Variants in ACE observed in about 807,000 individuals in gnomAD.
ACE encodes the protein angiotensin I converting enzyme.
ACE carries 122 observed loss-of-function variants against 162.3 expected under a neutral mutation model. The ratio of observed to expected loss-of-function variants is 0.75; its 90% CI spans 0.65 to 0.87. The LOEUF (loss-of-function observed/expected upper bound fraction) is 0.87, where lower values mean the gene tolerates loss of function less well. ACE is among the 40% of genes least tolerant of loss of function. ACE has a pLI of 0.00. For missense variants in ACE, 1,799 were observed against 1,735.1 expected, an observed-to-expected ratio of 1.04 and a Z score of -0.65; for synonymous variants, 796 against 720.6, an observed-to-expected ratio of 1.10 and a Z score of -1.68.
At chr17:63,478,681 A>C in intron 2 of ACE, 1 of 417,578 alleles carries the variant, frequency 2.4e-6, no homozygotes, top group East Asian at 5.3e-5. Flanking sequence ...GAGAGAGAGA[A>C]AAGGTTGAGA....
chr17:63,481,618 T>A lies in ACE; in HGVS notation c.998T>A (p.Leu333Gln), dbSNP rs761390621. Residue 333 changes from leucine (L) to glutamine (Q), a missense_variant, in exon 7 of 25, where the codon CTG becomes CAG. By Grantham distance (113) the Leu-to-Gln change is moderately radical (BLOSUM62 -2). Coordinates refer to ENST00000290866, the MANE Select transcript of ACE (RefSeq NM_000789.4). Reference protein sequence around the residue: ...FRVAEEFFTSLELSPMPPEFW... With the variant: ...FRVAEEFFTSQELSPMPPEFW... ...GTGGCAGAGGAGTTCTTCACCTCCCTGGAGCTCTCCCCCATGCCTCCCGAG... is the reference window on the plus strand; with the variant it reads ...GTGGCAGAGGAGTTCTTCACCTCCCAGGAGCTCTCCCCCATGCCTCCCGAG... The A allele has an allele frequency of 2.5e-5, 41 of 1,613,936 alleles. No homozygotes were observed. Among genetic ancestry groups the A allele is most frequent in the Non-Finnish European group, 3.4e-5 (40 of 1,180,030 alleles).
Position 63,497,697 on chromosome 17 carries a change from C to T in ACE, c.*331C>T, listed in dbSNP as rs1404301504. On this transcript the variant is annotated 3_prime_UTR_variant, in exon 25 of 25. Transcript: ENST00000290866. ...CCTGCCTCCTGGCAGTCAAGTGGGT[C>T]CCGTTACTAGGTTTGTTCCTCCATC... The T allele has an allele frequency of 3.7e-6, 2 of 542,606 alleles. No homozygotes were observed. The highest frequency in any genetic ancestry group is 3.8e-5 in the South Asian group (2 of 53,022). The allele number at this position is 542,606 out of a possible 1,614,324, so 33.6% of individuals were successfully genotyped here.
intron 19 of ACE, among the ~76,000 whole-genome samples, chr17:63,492,901 G>C (rs1473371390): frequency 6.6e-6 from 1 of 152,216 alleles, no homozygotes; most frequent in Non-Finnish European, 1.5e-5. Flanking sequence ...ACTGACGAGA[G>C]ACGGTAGAAC....
chr17:63,482,489 C>T lies in ACE; in HGVS notation c.1142C>T (p.Thr381Met), dbSNP rs150466411. ...AGGATCAAGCAGTGCACACGGGTCACGATGGACCAGCTCTCCACAGTGCAC... is the reference window on the plus strand; with the variant it reads ...AGGATCAAGCAGTGCACACGGGTCATGATGGACCAGCTCTCCACAGTGCAC... ...DFRIKQCTRV[T>M]MDQLSTVHHE... The change falls in exon 8 of 25, where the codon ACG (threonine) becomes ATG (methionine). Residue 381 changes from threonine to methionine, a missense_variant. Transcript: ENST00000290866. 1,671 of 1,613,976 alleles carry T rather than the reference C, an allele frequency of 1.0e-3. 4 individuals carry two copies. The highest frequency in any genetic ancestry group is 1.3e-3 in the Admixed American group (77 of 60,010).
chr17:63,496,770 T>A, intron 23 of ACE, 28 bp from the exon 24 acceptor site: 1 of 1,609,494 alleles, frequency 6.2e-7, no homozygotes, highest in Non-Finnish European at 8.5e-7. Context: ...TCCTTCTGAC[T>A]CTGCCTCCCT....
chr17:63,477,693 C>A, intron 1 of ACE: 1 of 574,702 alleles, frequency 1.7e-6, no homozygotes, highest in Non-Finnish European at 3.1e-6. Flanking sequence ...ATCCACCCTC[C>A]ACTCGCCCGG....
chr17:63,484,990 A>AAGCAGCCAGGCAACAACC lies in ACE; in HGVS notation c.1922-236_1922-219dup, dbSNP rs760370486. 1 of 1,609,960 alleles carries AAGCAGCCAGGCAACAACC rather than the reference A, an allele frequency of 6.2e-7. No homozygotes were observed. Among genetic ancestry groups the AAGCAGCCAGGCAACAACC allele is most frequent in the Non-Finnish European group, 8.5e-7 (1 of 1,178,282 alleles). On this transcript the variant is annotated intron_variant, in intron 12 of 24. Transcript: ENST00000290866. The surrounding 1 kb of genome is among the most constrained non-coding windows in gnomAD (Gnocchi z 4.0). ...AACAGGTGACAGTCACCCATGGGAC[A>AAGCAGCCAGGCAACAACC]AGCAGCCAGGCAACAACCAGCAGCC... is the stretch of plus-strand genomic sequence containing the variant.
At chr17:63,481,946 A>C (rs564504305) in intron 7 of ACE, among the ~76,000 whole-genome samples, 4 of 152,238 alleles carry the variant, frequency 2.6e-5, no homozygotes, top group African/African-American at 9.6e-5. Context: ...AGTCACTTCT[A>C]TACCTTGGAA....
In ACE at chr17:63,486,625, G is replaced by A. The variant is rs749263426; in HGVS notation, c.2127G>A (p.Val709=). 3 of 1,614,102 alleles carry A rather than the reference G, an allele frequency of 1.9e-6. No homozygotes were observed. In the Admixed American group the frequency reaches 5.0e-5, roughly 27 times the overall value. ...GCACCCAGGCCAGGAAGTTTGATGT[G>A]AACCAGTTGCAGAACACCACTATCA... The part of the protein sequence containing the change: ...KYGTQARKFD[V]NQLQNTTIKR... Residue 709 remains valine, a synonymous_variant, in exon 14 of 25, where the codon GTG becomes GTA. Coordinates refer to ENST00000290866, the MANE Select transcript of ACE (RefSeq NM_000789.4).
intron 22 of ACE, 59 bp downstream of exon 22, chr17:63,494,529 A>G (rs2030609282): frequency 1.4e-6 from 2 of 1,480,652 alleles, no homozygotes; most frequent in Admixed American, 3.5e-5. Flanking sequence ...TTTGTGTTTC[A>G]ACTGCGGCCA....
chr17:63,482,067 C>A (rs1481123845), intron 7 of ACE, among the ~76,000 whole-genome samples: 3 of 152,112 alleles, frequency 2.0e-5, no homozygotes, highest in Admixed American at 1.3e-4. Context: ...GAGGTCAAGG[C>A]GGGTGGATCA....
At position 63,489,280 on chromosome 17, in the gene ACE, G is replaced by A. The variant is rs1395572425; in HGVS notation, c.2641+148G>A. 4 of 993,410 alleles carry A rather than the reference G, an allele frequency of 4.0e-6. No homozygotes were observed. The African/African-American group carries it at 4.8e-5, about 12-fold the overall frequency. The allele number at this position is 993,410 out of a possible 1,614,324, so 61.5% of individuals were successfully genotyped here. A position where few individuals can be genotyped will look rare whatever the true frequency, so the allele number is the denominator to read the frequency against. On this transcript the variant is annotated intron_variant, in intron 17 of 24. Transcript: ENST00000290866. ...GGATGGTTGCCCAGGCTGGAGGGGG[G>A]TGGGCGCTGGGAGTGGGGAGCCCCC...
At chr17:63,494,097 G>A (rs749069727) in intron 21 of ACE, 31 bp downstream of exon 21, 1 of 1,612,838 alleles carries the variant, frequency 6.2e-7, no homozygotes, top group South Asian at 1.1e-5. Context: ...GATGCGGGCT[G>A]GGGGATCTCT....
chr17:63,492,450 G>C (rs2030444924), intron 19 of ACE, among the ~76,000 whole-genome samples: 1 of 152,208 alleles, frequency 6.6e-6, no homozygotes. Context: ...AAACCCGATG[G>C]GATTCCCTGG....
rs2049727156 is a variant in ACE at position 63,482,525 on chromosome 17, G to A, written c.1178G>A (p.Gly393Asp). 2 of 1,613,970 alleles carry A rather than the reference G, an allele frequency of 1.2e-6. No individual in the cohort carries two copies. The highest frequency in any genetic ancestry group is 8.5e-7 in the Non-Finnish European group (1 of 1,180,016). ...DQLSTVHHEM[G>D]HIQYYLQYKD... is the part of the protein sequence containing the mutation. ...CTCTCCACAGTGCACCATGAGATGG[G>A]CCATATACAGTACTACCTGCAGTAC... The change falls in exon 8 of 25, where the codon GGC (glycine) becomes GAC (aspartate). Residue 393 changes from glycine (G) to aspartate (D), a missense_variant. Gly to Asp is a moderately conservative substitution (Grantham distance 94, BLOSUM62 -1). Transcript: ENST00000290866.
chr17:63,489,178 G>A (rs1371573755), intron 17 of ACE, 46 bp downstream of exon 17: 3 of 1,592,594 alleles, frequency 1.9e-6, no homozygotes, highest in African/African-American at 1.3e-5. Context: ...ACGGACCACA[G>A]TGTGAGTGAG....
At chr17:63,495,780 C>T (rs1282184116) in intron 22 of ACE, among the ~76,000 whole-genome samples, 2 of 152,236 alleles carry the variant, frequency 1.3e-5, no homozygotes, top group Admixed American at 6.5e-5. Context: ...GGATTCTGGC[C>T]AGCAGCCTTC....
At position 63,497,613 on chromosome 17, in the gene ACE, C is replaced by CTGTAATCCCAGTACTTGGGAGGCCAAGG; in HGVS notation, c.*247_*248insTGTAATCCCAGTACTTGGGAGGCCAAGG. ...CTGTGAATACAATTAAAGGTCCTGC[C>CTGTAATCCCAGTACTTGGGAGGCCAAGG]CTCCCCATCTGAGTCTGTGTCCCTC... On this transcript the variant is annotated 3_prime_UTR_variant, in exon 25 of 25. Transcript: ENST00000290866. 1.4e-6 allele frequency: 1 copy of CTGTAATCCCAGTACTTGGGAGGCCAAGG among 691,046 alleles called. No individual in the cohort carries two copies. The highest frequency in any genetic ancestry group is 1.5e-5 in the South Asian group (1 of 65,550). The allele number at this position is 691,046 out of a possible 1,614,324, so 42.8% of individuals were successfully genotyped here.
chr17:63,497,492 C>T lies in ACE; in HGVS notation c.*126C>T, dbSNP rs1568050023. On this transcript the variant is annotated 3_prime_UTR_variant, in exon 25 of 25. Coordinates refer to ENST00000290866, the MANE Select transcript of ACE (RefSeq NM_000789.4). ...CCTGCTCCTCCTGCCCTGTCCCTGT[C>T]CCCCTCCCCTCCCAGTCCTCCAGAC... is the stretch of plus-strand genomic sequence containing the variant. 6.7e-6 allele frequency: 6 copies of T among 891,012 alleles called. No individual in the cohort carries two copies. Among genetic ancestry groups the T allele is most frequent in the Middle Eastern group, 4.3e-4 (2 of 4,600 alleles). 55.2% of individuals were successfully genotyped at this position (891,012 alleles called of 1,614,324 possible).
Sources: allele counts gnomAD v4.1 joint callset (sites outside exome capture counted in the v4.1 genomes callset), GRCh38; gene constraint gnomAD v4.1.1; non-coding constraint Gnocchi (gnomAD v3.1); transcripts MANE v1.5; gene names NCBI Gene and HGNC (gene_info 2026-07-23, HGNC 2026-07-21).